Variants in DNAH3 observed in about 807,000 individuals in gnomAD.
The protein encoded by DNAH3 is dynein axonemal heavy chain 3, also known as axonemal beta dynein heavy chain 3.
A neutral mutation model predicts 432.5 loss-of-function variants in DNAH3; 332 were observed. The observed-to-expected ratio is 0.77, with a 90% CI of 0.70 to 0.84. The LOEUF (loss-of-function observed/expected upper bound fraction) is 0.84. Ranked by LOEUF, DNAH3 falls within the 40% of genes least tolerant of loss-of-function variation. The pLI is 0.00. For missense variants in DNAH3, 4,861 were observed against 5,114.0 expected, an observed-to-expected ratio of 0.95 and a Z score of 1.51; for synonymous variants, 1,956 against 1,900.2, an observed-to-expected ratio of 1.03 and a Z score of -0.76.
chr16:21,049,618 A>T, exon 31 of DNAH3: 2 of 1,614,198 alleles, frequency 1.2e-6, no homozygotes, highest in Non-Finnish European at 1.7e-6. Context: ...AGCCTGTGCC[A>T]GCCCCTTGAA....
At chr16:21,127,396 CAAA>C (rs11342012) in intron 8 of DNAH3, among the ~76,000 whole-genome samples, 7 of 136,518 alleles carry the variant, frequency 5.1e-5, no homozygotes, top group Admixed American at 1.5e-4. Context: ...ACTAATAATA[CAAA>C]AAAAAAAAAA....
chr16:21,159,305 G>C (rs959354456), intron 1 of DNAH3: 1 of 1,602,788 alleles, frequency 6.2e-7, no homozygotes, highest in African/African-American at 1.3e-5. Context: ...TGCCTTCTGG[G>C]ACGCGGACCC....
chr16:21,042,711 C>T (rs981153255), intron 31 of DNAH3, among the ~76,000 whole-genome samples: 14 of 151,950 alleles, frequency 9.2e-5, no homozygotes, highest in Admixed American at 8.5e-4. Context: ...TTTTAGGGTA[C>T]ACGTGCACAT....
chr16:20,982,720 C>T lies in DNAH3; in HGVS notation c.7859+1G>A. ...AGTCCTAAAATGCAATCAACACTTA[C>T]TCTACCCGAATGTTGTCATCAAGCT... On this transcript the variant is annotated splice_donor_variant, in intron 49 of 61. Coordinates refer to ENST00000261383, the Ensembl canonical transcript of DNAH3. LOFTEE classifies it high-confidence loss of function. The T allele has an allele frequency of 6.2e-7, 1 of 1,612,678 alleles. No homozygotes were observed. The highest frequency in any genetic ancestry group is 8.5e-7 in the Non-Finnish European group (1 of 1,179,034).
At chr16:21,015,208 ATAT>A (rs1422067186) in intron 41 of DNAH3, among the ~76,000 whole-genome samples, 1 of 152,242 alleles carries the variant, frequency 6.6e-6, no homozygotes, top group African/African-American at 2.4e-5. Flanking sequence ...ATACAATGAA[ATAT>A]TATTAAGTGA....
chr16:21,070,825 T>A (rs1407439626), exon 22 of DNAH3: 1 of 1,585,434 alleles, frequency 6.3e-7, no homozygotes, highest in South Asian at 1.1e-5. Context: ...GATGTTTGTA[T>A]CCTGTAAATA....
chr16:21,014,234 A>G (rs2087753240), intron 41 of DNAH3, among the ~76,000 whole-genome samples: 1 of 151,606 alleles, frequency 6.6e-6, no homozygotes, highest in Admixed American at 6.6e-5. Context: ...AGTATTACAC[A>G]CCACAATCAA....
At chr16:21,036,571 C>A (rs778931347) in intron 35 of DNAH3, 143 bp downstream of exon 35, 1 of 773,086 alleles carries the variant, frequency 1.3e-6, no homozygotes, top group Non-Finnish European at 2.1e-6. Context: ...TAGGCCATTA[C>A]GCCCAGCTAA....
chr16:21,110,898 T>C (rs572733168), intron 14 of DNAH3, among the ~76,000 whole-genome samples: 2 of 151,954 alleles, frequency 1.3e-5, no homozygotes, highest in Non-Finnish European at 2.9e-5. Context: ...AAAAATGATA[T>C]GCAAATAGAG....
chr16:20,978,989 G>A (rs1310056826), intron 50 of DNAH3, among the ~76,000 whole-genome samples: 2 of 151,790 alleles, frequency 1.3e-5, no homozygotes, highest in African/African-American at 4.8e-5. Context: ...GCCTTATCCT[G>A]CCCAGGTCCC....
chr16:21,005,950 T>C (rs978965599), intron 41 of DNAH3, among the ~76,000 whole-genome samples: 7 of 152,096 alleles, frequency 4.6e-5, no homozygotes, highest in Non-Finnish European at 7.3e-5. Context: ...TCAATTATTA[T>C]GTATCAGTTT....
chr16:20,966,438 C>T lies in DNAH3; in HGVS notation c.8459-1013G>A, dbSNP rs1307281102. 4.6e-5 allele frequency among the ~76,000 whole-genome samples: 7 copies of T among 152,224 alleles called. No individual in the cohort carries two copies. The Middle Eastern group carries it at 0.014, about 296-fold the overall frequency. On this transcript the variant is annotated intron_variant, in intron 52 of 61. Transcript: ENST00000261383. ...AAAGCCATTGCCATATAGAGGTTTC[C>T]CTAGACTTATCTGACAAGAGAGGCC...
chr16:21,032,474 C>A (rs564390751), intron 36 of DNAH3, among the ~76,000 whole-genome samples: 1 of 152,200 alleles, frequency 6.6e-6, no homozygotes, highest in South Asian at 2.1e-4. Context: ...TGGAATCCTT[C>A]AAAGTAGGGA....
chr16:21,017,793 G>T (rs2087934858), intron 41 of DNAH3, among the ~76,000 whole-genome samples: 1 of 152,112 alleles, frequency 6.6e-6, no homozygotes, highest in African/African-American at 2.4e-5. Flanking sequence ...AGAGTATGTG[G>T]CAGGCGGTAA....
At chr16:21,113,382 T>C (rs906712118) in intron 12 of DNAH3, among the ~76,000 whole-genome samples, 8 of 152,184 alleles carry the variant, frequency 5.3e-5, no homozygotes, top group South Asian at 4.1e-4. Flanking sequence ...TACACAAACA[T>C]ACCCAGGATT....
rs766721775 is a variant in DNAH3 at position 21,070,844 on chromosome 16, C to T, written c.3085-18G>A. The T allele has an allele frequency of 7.6e-6, 11 of 1,451,532 alleles. No homozygotes were observed. Among genetic ancestry groups the T allele is most frequent in the Non-Finnish European group, 1.1e-5 (11 of 1,034,888 alleles). 89.9% of individuals were successfully genotyped at this position (1,451,532 alleles called of 1,614,324 possible). The stretch of plus-strand genomic sequence containing the variant: ...TTTGTATCCTGTAAATAAAGATGCC[C>T]CACCCTGTCAAGATTGTGAAACCTC... On this transcript the variant is annotated intron_variant, in intron 21 of 61. Transcript: ENST00000261383.
At chr16:21,131,878 G>GA (rs1325938391) in intron 7 of DNAH3, among the ~76,000 whole-genome samples, 1 of 150,274 alleles carries the variant, frequency 6.7e-6, no homozygotes, top group African/African-American at 2.4e-5. Flanking sequence ...AAAAAAGGGG[G>GA]AGAGAAAGAA....
At chr16:20,963,436 T>C in exon 53 of DNAH3, 4 of 1,614,142 alleles carry the variant, frequency 2.5e-6, no homozygotes, top group Non-Finnish European at 3.4e-6. Context: ...TGGCACCATT[T>C]TGTCAGGCCG....
chr16:21,069,818 C>T (rs1186503546), intron 22 of DNAH3, among the ~76,000 whole-genome samples: 1 of 152,154 alleles, frequency 6.6e-6, no homozygotes, highest in East Asian at 1.9e-4. Context: ...ACGGAGCTCA[C>T]GTCCTAGCAG....
Sources: allele counts gnomAD v4.1 joint callset (sites outside exome capture counted in the v4.1 genomes callset), GRCh38; gene constraint gnomAD v4.1.1; transcripts MANE v1.5; gene names NCBI Gene and HGNC (gene_info 2026-07-23, HGNC 2026-07-21).